The following COL23A1 variants were observed in gnomAD, a reference collection of about 807,000 sequenced individuals.
COL23A1 encodes collagen type XXIII alpha 1 chain, also known as collagen alpha-1(XXIII) chain.
In COL23A1, 97 loss-of-function variants were observed where a neutral mutation model predicts 99.3. That is an observed-to-expected ratio of 0.98 (90% confidence interval 0.83 to 1.16). The LOEUF is 1.16. Among genes scored for constraint, COL23A1 ranks in the 50% most tolerant of loss-of-function variants. The pLI is 0.00. For synonymous variants in COL23A1, 320 were observed against 308.2 expected (o/e 1.04, Z -0.40); for missense variants, 762 against 757.4 (o/e 1.01, Z -0.07).
At chr5:178,417,018 G>A (rs534956320) in intron 2 of COL23A1, among the ~76,000 whole-genome samples, 1 of 152,274 alleles carries the variant, frequency 6.6e-6, no homozygotes, top group South Asian at 2.1e-4. Context: ...TGAGACTTAG[G>A]GGCCTTGTGC....
At position 178,589,026 on chromosome 5, in the gene COL23A1, G is replaced by A. The variant is rs1012128504; in HGVS notation, c.294+878C>T. On this transcript the variant is annotated intron_variant, in intron 1 of 28. Coordinates refer to ENST00000390654, the MANE Select transcript of COL23A1 (RefSeq NM_173465.4). The surrounding 1 kb of genome is among the most constrained non-coding windows in gnomAD (Gnocchi z 5.4). Reference sequence around the variant, plus strand: ...GGGCCTGTCCAGTTTCGTGGGGAGGGGAACTGCCGCACATGCCGCACACAA... The same window carrying A: ...GGGCCTGTCCAGTTTCGTGGGGAGGAGAACTGCCGCACATGCCGCACACAA... 2.6e-5 allele frequency among the ~76,000 whole-genome samples: 4 copies of A among 152,104 alleles called. No individual in the cohort carries two copies. The highest frequency in any genetic ancestry group is 4.4e-5 in the Non-Finnish European group (3 of 68,016).
In COL23A1 at chr5:178,468,256, G is replaced by A. The variant is rs114204831; in HGVS notation, c.361+92426C>T. Among the ~76,000 whole-genome samples, 925 of 148,362 alleles carry A rather than the reference G, an allele frequency of 6.2e-3. 12 individuals carry two copies. Among genetic ancestry groups the A allele is most frequent in the African/African-American group, 0.022 (880 of 40,794 alleles). On this transcript the variant is annotated intron_variant, in intron 2 of 28. Transcript: ENST00000390654. The surrounding 1 kb of genome is among the most constrained non-coding windows in gnomAD (Gnocchi z 4.2). Reference sequence around the variant, plus strand: ...GAAGCCACGGCAAGCCGCCAGTGTCGAGCAGAGGGCCCCTGCAGGAAGATC... The same window carrying A: ...GAAGCCACGGCAAGCCGCCAGTGTCAAGCAGAGGGCCCCTGCAGGAAGATC...
At chr5:178,413,240 T>C (rs112904665) in intron 2 of COL23A1, among the ~76,000 whole-genome samples, 2 of 152,210 alleles carry the variant, frequency 1.3e-5, no homozygotes, top group Non-Finnish European at 2.9e-5. Context: ...CTTAGAACCA[T>C]GGAGAAATTT....
rs61457266 is a variant in COL23A1, at chr5:178,408,975, TACACACACACACACACACACACAC to T, written c.362-102080_362-102057del. ...TGTCTCAAAAAAAAAAAAAAAAAAA[TACACACACACACACACACACACAC>T]ACACACACACACACACACACACATC... On this transcript the variant is annotated intron_variant, in intron 2 of 28. Coordinates refer to ENST00000390654, the MANE Select transcript of COL23A1 (RefSeq NM_173465.4). Among the ~76,000 whole-genome samples the T allele has an allele frequency of 3.2e-3, 321 of 101,654 alleles. 1 individual carries two copies. Among genetic ancestry groups the T allele is most frequent in the African/African-American group, 0.012 (297 of 25,742 alleles). 66.7% of individuals were successfully genotyped at this position (101,654 alleles called of 152,430 possible). A position where few individuals can be genotyped will look rare whatever the true frequency, so the allele number is the denominator to read the frequency against.
At chr5:178,487,220 A>AT (rs1299023738) in intron 2 of COL23A1, among the ~76,000 whole-genome samples, 1 of 152,170 alleles carries the variant, frequency 6.6e-6, no homozygotes, top group Non-Finnish European at 1.5e-5. Flanking sequence ...TTGACACACT[A>AT]TCTCCAGCCC....
intron 2 of COL23A1, among the ~76,000 whole-genome samples, chr5:178,358,845 C>T (rs567876887): frequency 6.6e-6 from 1 of 152,154 alleles, no homozygotes; most frequent in African/African-American, 2.4e-5. Context: ...ATAAAATCTG[C>T]ACCTATATAT....
At chr5:178,465,448 T>C (rs886527891) in intron 2 of COL23A1, among the ~76,000 whole-genome samples, 8 of 152,158 alleles carry the variant, frequency 5.3e-5, no homozygotes, top group Non-Finnish European at 1.0e-4. Flanking sequence ...AACCCAGGCA[T>C]GGGTTTAAAA....
rs193131479 is a variant in COL23A1 at position 178,541,133 on chromosome 5, A to G, written c.361+19549T>C. Among the ~76,000 whole-genome samples, 16 of 152,350 alleles carry G rather than the reference A, an allele frequency of 1.1e-4. No homozygotes were observed. The East Asian group carries it at 2.9e-3, about 28-fold the overall frequency. On this transcript the variant is annotated intron_variant, in intron 2 of 28. Coordinates refer to ENST00000390654, the MANE Select transcript of COL23A1 (RefSeq NM_173465.4). ...GGAATTAAAATAACAGTATCGACAC[A>G]TGGATAGACAAATAGAACAGAACAG...
intron 1 of COL23A1, among the ~76,000 whole-genome samples, chr5:178,573,642 A>G (rs1310161792): frequency 1.3e-5 from 2 of 152,244 alleles, no homozygotes; most frequent in African/African-American, 4.8e-5. Flanking sequence ...ATTTTTGTAG[A>G]AAATATTCAC....
At position 178,308,113 on chromosome 5, in the gene COL23A1, GTGTA is replaced by G. The variant is rs1313684419; in HGVS notation, c.362-1198_362-1195del. Reference sequence around the variant, plus strand: ...TGTCTGTGTTTCTGTGTGTGTGTCTGTGTATGTATGTTTGTGTCTGTGTGTCCTG... The same window carrying G: ...TGTCTGTGTTTCTGTGTGTGTGTCTGTGTATGTTTGTGTCTGTGTGTCCTG... On this transcript the variant is annotated intron_variant, in intron 2 of 28. Transcript: ENST00000390654. The surrounding 1 kb of genome is among the most constrained non-coding windows in gnomAD (Gnocchi z 5.1). Among the ~76,000 whole-genome samples, 15 of 152,162 alleles carry G rather than the reference GTGTA, an allele frequency of 9.9e-5. No homozygotes were observed. The highest frequency in any genetic ancestry group is 3.4e-4 in the African/African-American group (14 of 41,488).
chr5:178,338,652 C>T (rs1319643832), intron 2 of COL23A1, among the ~76,000 whole-genome samples: 1 of 152,138 alleles, frequency 6.6e-6, no homozygotes, highest in Non-Finnish European at 1.5e-5. Flanking sequence ...GCTCCTGGGT[C>T]ACTGGCCAGC....
At chr5:178,441,483 G>A (rs892885441) in intron 2 of COL23A1, among the ~76,000 whole-genome samples, 4 of 152,096 alleles carry the variant, frequency 2.6e-5, no homozygotes, top group Admixed American at 2.0e-4. Flanking sequence ...GGCAACTGCA[G>A]AGCCGGAAAC....
At chr5:178,512,860 CA>C (rs924654960) in intron 2 of COL23A1, among the ~76,000 whole-genome samples, 2 of 152,228 alleles carry the variant, frequency 1.3e-5, no homozygotes, top group African/African-American at 4.8e-5. Flanking sequence ...GCTCCTGCCA[CA>C]AGCACATGCA....
chr5:178,357,906 ATGTG>A (rs72270101), intron 2 of COL23A1, among the ~76,000 whole-genome samples: 3 of 108,720 alleles, frequency 2.8e-5, no homozygotes, highest in African/African-American at 9.1e-5. Flanking sequence ...TGTGTGTCTA[ATGTG>A]TGTGTATGTG....
intron 2 of COL23A1, among the ~76,000 whole-genome samples, chr5:178,516,589 T>C (rs970412199): frequency 6.6e-6 from 1 of 152,224 alleles, no homozygotes; most frequent in African/African-American, 2.4e-5. Flanking sequence ...GCTGAAATCT[T>C]ATTTCCTGGA....
At chr5:178,301,775 G>C (rs1561840984) in intron 3 of COL23A1, among the ~76,000 whole-genome samples, 1 of 150,794 alleles carries the variant, frequency 6.6e-6, no homozygotes, top group Admixed American at 6.6e-5. Context: ...GTGTGTGCTG[G>C]AGCACAGCTT....
At chr5:178,377,442 G>A (rs945969109) in intron 2 of COL23A1, among the ~76,000 whole-genome samples, 5 of 152,190 alleles carry the variant, frequency 3.3e-5, no homozygotes, top group South Asian at 2.1e-4. Flanking sequence ...CAAGGCATTC[G>A]GCAGTCAGTC....
At chr5:178,541,808 A>G (rs1761304005) in intron 2 of COL23A1, among the ~76,000 whole-genome samples, 1 of 152,164 alleles carries the variant, frequency 6.6e-6, no homozygotes, top group Non-Finnish European at 1.5e-5. Flanking sequence ...AATCTCACAA[A>G]CAATGCTGAA....
Position 178,242,049 on chromosome 5 carries a change from C to T in COL23A1, c.1574G>A (p.Cys525Tyr), listed in dbSNP as rs1253100538. Reference sequence around the variant, plus strand: ...CCCTCCTCCGACACCTACCACGGGACACGGCTGGTCCAGGCCTGGTGGTCC... The same window carrying T: ...CCCTCCTCCGACACCTACCACGGGATACGGCTGGTCCAGGCCTGGTGGTCC... ...EPGPPGLDQP[C>Y]PVGPDGLPVP... Residue 525 changes from cysteine to tyrosine, a missense_variant, in exon 27 of 29, where the codon TGT (cysteine) becomes TAT (tyrosine). Transcript: ENST00000390654. The T allele has an allele frequency of 6.4e-7, 1 of 1,554,328 alleles. No homozygotes were observed. The highest frequency in any genetic ancestry group is 8.7e-7 in the Non-Finnish European group (1 of 1,148,310).
Sources: allele counts gnomAD v4.1 joint callset (sites outside exome capture counted in the v4.1 genomes callset), GRCh38; gene constraint gnomAD v4.1.1; non-coding constraint Gnocchi (gnomAD v3.1); transcripts MANE v1.5; gene names NCBI Gene and HGNC (gene_info 2026-07-23, HGNC 2026-07-21).